SLC25A21: variants seen among roughly 807,000 people sequenced by gnomAD.
SLC25A21 encodes mitochondrial 2-oxodicarboxylate carrier.
SLC25A21 carries 47 observed loss-of-function variants against 43.8 expected under a neutral mutation model. That is an observed-to-expected ratio of 1.07 (90% CI 0.85 to 1.37). SLC25A21 has a LOEUF of 1.37. Among genes scored for constraint, SLC25A21 ranks in the 40% most tolerant of loss-of-function variants. The pLI is 0.00. For synonymous variants in SLC25A21, 131 were observed against 121.3 expected (o/e 1.08, Z -0.52); for missense variants, 352 against 350.2 (o/e 1.00, Z -0.04).
chr14:36,944,202 A>G (rs1234325798), intron 1 of SLC25A21, among the ~76,000 whole-genome samples: 2 of 152,258 alleles, frequency 1.3e-5, no homozygotes, highest in East Asian at 3.9e-4. Flanking sequence ...TCCTGTCGAC[A>G]CCTGGGACCC....
At chr14:37,133,672 C>A (rs1963430450) in intron 1 of SLC25A21, among the ~76,000 whole-genome samples, 1 of 151,902 alleles carries the variant, frequency 6.6e-6, no homozygotes, top group Non-Finnish European at 1.5e-5. Context: ...ACCTCTATAA[C>A]TCCATTACTG....
At chr14:36,963,917 G>A (rs907757276) in intron 1 of SLC25A21, among the ~76,000 whole-genome samples, 5 of 152,070 alleles carry the variant, frequency 3.3e-5, no homozygotes, top group African/African-American at 4.8e-5. Flanking sequence ...ACAGTTCCAC[G>A]ATATTCTTCT....
intron 4 of SLC25A21, among the ~76,000 whole-genome samples, chr14:36,730,210 T>C (rs537792363): frequency 1.6e-4 from 24 of 152,370 alleles, no homozygotes; most frequent in Admixed American, 5.9e-4. Flanking sequence ...AAGGTATTGT[T>C]GGTTTCTTCA....
At chr14:36,728,889 G>T (rs921857772) in intron 5 of SLC25A21, among the ~76,000 whole-genome samples, 1 of 152,048 alleles carries the variant, frequency 6.6e-6, no homozygotes, top group Non-Finnish European at 1.5e-5. Context: ...GAACCCATTT[G>T]GTCAATACAA....
intron 2 of SLC25A21, among the ~76,000 whole-genome samples, chr14:36,838,196 T>G (rs1222007505): frequency 6.6e-6 from 1 of 152,194 alleles, no homozygotes; most frequent in Non-Finnish European, 1.5e-5. Flanking sequence ...CTCACTCGGC[T>G]TTCTCCTCGG....
intron 1 of SLC25A21, among the ~76,000 whole-genome samples, chr14:36,954,166 T>C (rs1024630505): frequency 6.6e-6 from 1 of 152,186 alleles, no homozygotes; most frequent in Admixed American, 6.5e-5. Context: ...AAAGTCAATC[T>C]TGATGCATCA....
At chr14:36,900,356 C>G (rs115421604) in intron 1 of SLC25A21, among the ~76,000 whole-genome samples, 266 of 152,180 alleles carry the variant, frequency 1.7e-3, no homozygotes, top group African/African-American at 6.1e-3. Flanking sequence ...CATGTGTACT[C>G]CTGTATGGAG....
chr14:37,067,299 G>A (rs1249609614), intron 1 of SLC25A21, among the ~76,000 whole-genome samples: 1 of 152,038 alleles, frequency 6.6e-6, no homozygotes, highest in Admixed American at 6.6e-5. Context: ...AGTAAAAGCA[G>A]CCAGAAGTAA....
intron 1 of SLC25A21, among the ~76,000 whole-genome samples, chr14:36,985,667 G>A (rs966220536): frequency 2.0e-5 from 3 of 152,078 alleles, no homozygotes; most frequent in South Asian, 2.1e-4. Flanking sequence ...TCAAATGTTC[G>A]CATACATTGC....
chr14:36,682,221 C>A (rs934786061), intron 9 of SLC25A21, among the ~76,000 whole-genome samples: 4 of 151,022 alleles, frequency 2.6e-5, no homozygotes, highest in Non-Finnish European at 4.4e-5. Flanking sequence ...TTTCACCCTT[C>A]ATTCAAAAGT....
Position 36,986,942 on chromosome 14 carries a change from C to G in SLC25A21, c.71-111938G>C, listed in dbSNP as rs1462527520. ...TGTCTTTATGTGTCTACATGCTTAT[C>G]TGTACTGATTTTTCCCTAAATTACA... is the stretch of plus-strand genomic sequence containing the variant. On this transcript the variant is annotated intron_variant, in intron 1 of 9. Transcript: ENST00000331299. Among the ~76,000 whole-genome samples, 4 of 152,170 alleles carry G rather than the reference C, an allele frequency of 2.6e-5. No individual in the cohort carries two copies. The East Asian group carries it at 7.7e-4, about 29-fold the overall frequency.
chr14:36,725,560 A>G lies in SLC25A21; in HGVS notation c.438+10T>C, dbSNP rs750604322. 1 of 1,462,336 alleles carries G rather than the reference A, an allele frequency of 6.8e-7. No individual in the cohort carries two copies. The highest frequency in any genetic ancestry group is 9.2e-7 in the Non-Finnish European group (1 of 1,090,924). The allele number at this position is 1,462,336 out of a possible 1,614,324, so 90.6% of individuals were successfully genotyped here. A position where few individuals can be genotyped will look rare whatever the true frequency, so the allele number is the denominator to read the frequency against. On this transcript the variant is annotated intron_variant, in intron 6 of 9. Coordinates refer to ENST00000331299, the MANE Select transcript of SLC25A21 (RefSeq NM_030631.4). ...ATGCCCCTAACAATAGAAAAACATT[A>G]AATGGTTACCTCTGCAAATGTGTTC...
intron 1 of SLC25A21, among the ~76,000 whole-genome samples, chr14:37,055,069 C>G (rs182014381): frequency 6.6e-6 from 1 of 152,142 alleles, no homozygotes; most frequent in Admixed American, 6.5e-5. Flanking sequence ...TGACTGCAAG[C>G]GTCAACTGCG....
Position 36,692,501 on chromosome 14 carries a change from C to T in SLC25A21, c.604-7576G>A, listed in dbSNP as rs1358665997. 4.6e-5 allele frequency among the ~76,000 whole-genome samples: 7 copies of T among 152,306 alleles called. No individual in the cohort carries two copies. In the East Asian group the frequency reaches 1.2e-3, roughly 25 times the overall value. On this transcript the variant is annotated intron_variant, in intron 7 of 9. Transcript: ENST00000331299. ...CCATTGAAAGAGGCATATGCCTCCC[C>T]TTTTACCTTTCCTGGCATGGGCTCT...
intron 3 of SLC25A21, among the ~76,000 whole-genome samples, chr14:36,753,798 T>C (rs1885806532): frequency 6.6e-6 from 1 of 152,102 alleles, no homozygotes; most frequent in Admixed American, 6.6e-5. Flanking sequence ...TGAAGCTTGA[T>C]TTCTCTCTAT....
chr14:36,872,223 G>A (rs1890393800), intron 2 of SLC25A21, among the ~76,000 whole-genome samples: 2 of 152,216 alleles, frequency 1.3e-5, no homozygotes, highest in East Asian at 1.9e-4. Flanking sequence ...CTCATGTGCT[G>A]GAGTATGGCA....
rs1882111905 is a variant in SLC25A21 at position 36,679,688 on chromosome 14, C to CTAA, written c.*967_*969dup. 2.0e-6 allele frequency: 2 copies of CTAA among 985,244 alleles called. No homozygotes were observed. Among genetic ancestry groups the CTAA allele is most frequent in the African/African-American group, 1.7e-5 (1 of 57,220 alleles). The allele number at this position is 985,244 out of a possible 1,614,324, so 61.0% of individuals were successfully genotyped here. ...TCCCACCTGAAGTTGTCGTTTAAAA[C>CTAA]TAATAACCTGAAAATGCAGTTCTGT... On this transcript the variant is annotated 3_prime_UTR_variant, in exon 10 of 10. Coordinates refer to ENST00000331299, the MANE Select transcript of SLC25A21 (RefSeq NM_030631.4).
intron 2 of SLC25A21, among the ~76,000 whole-genome samples, chr14:36,866,977 T>C (rs561209610): frequency 1.1e-4 from 17 of 152,286 alleles, no homozygotes; most frequent in African/African-American, 3.8e-4. Flanking sequence ...ATGTGGTCCT[T>C]AGAAACCTTA....
At chr14:37,085,927 A>C (rs12717260) in intron 1 of SLC25A21, among the ~76,000 whole-genome samples, 123,335 of 151,866 alleles carry the variant, frequency 0.81, 53,030 homozygotes, top group East Asian at 1. Flanking sequence ...AACACGGTGA[A>C]ACCCCATCTC....
Sources: gnomAD v4.1 joint callset for allele counts (sites outside exome capture counted in the v4.1 genomes callset) on GRCh38, gnomAD v4.1.1 for gene constraint, MANE v1.5 for transcripts, NCBI Gene and HGNC (gene_info 2026-07-23, HGNC 2026-07-21) for gene names.